The following GALNT2 variants were observed in gnomAD, a reference collection of about 807,000 sequenced individuals.
GALNT2 encodes polypeptide N-acetylgalactosaminyltransferase 2, also known as UDP-GalNAc:polypeptide N-acetylgalactosaminyltransferase 2.
In GALNT2, 31 loss-of-function variants were observed where a neutral mutation model predicts 81.4. The ratio of observed to expected loss-of-function variants is 0.38; its 90% CI spans 0.29 to 0.51. GALNT2 has a LOEUF of 0.51. Ranked by LOEUF, GALNT2 falls within the 20% of genes least tolerant of loss-of-function variation. The probability of loss-of-function intolerance (pLI) is 0.87; values close to 1 mark genes in which losing one functional copy is unlikely to be tolerated. For missense variants in GALNT2, 629 were observed against 765.7 expected, an observed-to-expected ratio of 0.82 and a Z score of 2.11; for synonymous variants, 303 against 287.4, an observed-to-expected ratio of 1.05 and a Z score of -0.55.
At chr1:230,125,939 C>T (rs546146778) in intron 1 of GALNT2, among the ~76,000 whole-genome samples, 2 of 152,302 alleles carry the variant, frequency 1.3e-5, no homozygotes, top group Admixed American at 6.5e-5. Flanking sequence ...TGTGAATATA[C>T]GAAGGAAGGT....
intron 1 of GALNT2, among the ~76,000 whole-genome samples, chr1:230,129,978 C>T (rs561280655): frequency 4.6e-5 from 7 of 152,346 alleles, no homozygotes; most frequent in East Asian, 1.9e-4. Context: ...GTACGCTGAA[C>T]GGGCACAATT....
intron 9 of GALNT2, 35 bp from the exon 10 acceptor site, chr1:230,250,422 C>T (rs754510604): frequency 7.1e-6 from 11 of 1,555,444 alleles, no homozygotes; most frequent in Non-Finnish European, 9.7e-6. Flanking sequence ...ACTTTGCCCT[C>T]TCCTCCCTCC....
chr1:230,094,446 C>A (rs895142830), intron 1 of GALNT2, among the ~76,000 whole-genome samples: 1 of 151,982 alleles, frequency 6.6e-6, no homozygotes, highest in African/African-American at 2.4e-5. Context: ...ACCAGCCTGG[C>A]CAACATAGTG....
At chr1:230,261,506 G>T (rs144553265) in intron 11 of GALNT2, among the ~76,000 whole-genome samples, 1 of 152,214 alleles carries the variant, frequency 6.6e-6, no homozygotes, top group Non-Finnish European at 1.5e-5. Context: ...CCTTATAGCC[G>T]AGACCAGAAT....
chr1:230,198,720 A>G (rs1304040956), intron 2 of GALNT2, among the ~76,000 whole-genome samples: 1 of 152,132 alleles, frequency 6.6e-6, no homozygotes, highest in Admixed American at 6.5e-5. Flanking sequence ...TAAGCTTCTC[A>G]TTTTTACTGA....
chr1:230,235,545 T>C (rs1665001333), intron 3 of GALNT2, among the ~76,000 whole-genome samples: 1 of 152,250 alleles, frequency 6.6e-6, no homozygotes. Context: ...CCAGTGGGTC[T>C]GCTGTTCGTG....
At chr1:230,202,594 G>T (rs1663924946) in intron 2 of GALNT2, among the ~76,000 whole-genome samples, 1 of 152,198 alleles carries the variant, frequency 6.6e-6, no homozygotes. Context: ...TTCTCCCCGT[G>T]GGGTCAGGCA....
At chr1:230,248,931 C>T (rs1228013165) in intron 8 of GALNT2, among the ~76,000 whole-genome samples, 1 of 152,132 alleles carries the variant, frequency 6.6e-6, no homozygotes, top group African/African-American at 2.4e-5. Flanking sequence ...ATTAGAAAAG[C>T]CTGACTCACA....
At chr1:230,246,858 C>T (rs1325076811) in intron 8 of GALNT2, among the ~76,000 whole-genome samples, 2 of 152,108 alleles carry the variant, frequency 1.3e-5, no homozygotes, top group Admixed American at 1.3e-4. Flanking sequence ...GAGCTTTCAT[C>T]TGTGTGAAGA....
chr1:230,167,856 C>G (rs1662661583), intron 1 of GALNT2, among the ~76,000 whole-genome samples: 1 of 151,992 alleles, frequency 6.6e-6, no homozygotes, highest in Non-Finnish European at 1.5e-5. Context: ...GGCTTCACCT[C>G]TCTCCTCCCA....
intron 2 of GALNT2, among the ~76,000 whole-genome samples, chr1:230,192,802 G>A (rs1663571647): frequency 6.6e-6 from 1 of 151,664 alleles, no homozygotes; most frequent in Non-Finnish European, 1.5e-5. Flanking sequence ...TGGTTTTTTT[G>A]TCCTTAATCA....
chr1:230,203,801 C>T (rs991090475), intron 3 of GALNT2, among the ~76,000 whole-genome samples: 2 of 152,126 alleles, frequency 1.3e-5, no homozygotes, highest in Non-Finnish European at 2.9e-5. Context: ...ACACCCTGTA[C>T]TAAAGGAAGG....
At chr1:230,141,046 A>G (rs1258699204) in intron 1 of GALNT2, among the ~76,000 whole-genome samples, 2 of 152,260 alleles carry the variant, frequency 1.3e-5, no homozygotes, top group Non-Finnish European at 2.9e-5. Flanking sequence ...AAACGAAACA[A>G]GAATGCATAG....
chr1:230,100,567 C>G lies in GALNT2; in HGVS notation c.126+33161C>G, dbSNP rs946781840. On this transcript the variant is annotated intron_variant, in intron 1 of 15. Coordinates refer to ENST00000366672, the MANE Select transcript of GALNT2 (RefSeq NM_004481.5). The stretch of plus-strand genomic sequence containing the variant: ...TCTCGAACTCGCCACCTCAGGCGAT[C>G]TGCCCGCCTCGGCCTCCCAAAGTGC... 2.6e-5 allele frequency among the ~76,000 whole-genome samples: 4 copies of G among 152,198 alleles called. No homozygotes were observed. In the South Asian group the frequency reaches 8.3e-4, roughly 31 times the overall value.
At chr1:230,059,066 C>T (rs1658983528) in intron 1 of GALNT2, among the ~76,000 whole-genome samples, 1 of 152,148 alleles carries the variant, frequency 6.6e-6, no homozygotes, top group Non-Finnish European at 1.5e-5. Flanking sequence ...TTTGTTTCTC[C>T]TTTTCTCCTG....
intron 2 of GALNT2, among the ~76,000 whole-genome samples, chr1:230,186,730 A>G (rs1474885721): frequency 2.0e-5 from 3 of 152,174 alleles, no homozygotes; most frequent in Admixed American, 6.5e-5. Flanking sequence ...ATCCTTAACT[A>G]TTGCATACAG....
At chr1:230,071,392 G>A (rs1186831905) in intron 1 of GALNT2, among the ~76,000 whole-genome samples, 1 of 152,194 alleles carries the variant, frequency 6.6e-6, no homozygotes, top group Non-Finnish European at 1.5e-5. Context: ...TCGGGAATGT[G>A]GGTGGAGGGT....
intron 2 of GALNT2, among the ~76,000 whole-genome samples, chr1:230,191,898 G>C (rs1663538990): frequency 6.6e-6 from 1 of 152,236 alleles, no homozygotes; most frequent in African/African-American, 2.4e-5. Flanking sequence ...GAAACGGGGG[G>C]CTCCCCATGC....
chr1:230,262,337 G>T (rs747286310), intron 11 of GALNT2: 1 of 487,296 alleles, frequency 2.1e-6, no homozygotes, highest in Non-Finnish European at 3.6e-6. Flanking sequence ...GACCATCTGT[G>T]TGACAAGAAA....
Sources: allele counts gnomAD v4.1 joint callset (sites outside exome capture counted in the v4.1 genomes callset), GRCh38; gene constraint gnomAD v4.1.1; transcripts MANE v1.5; gene names NCBI Gene and HGNC (gene_info 2026-07-23, HGNC 2026-07-21).